The following KIAA1217 variants were observed in gnomAD, a reference collection of about 807,000 sequenced individuals.
KIAA1217 encodes KIAA1217.
In KIAA1217, 88 loss-of-function variants were observed where a neutral mutation model predicts 163.9. That is an observed-to-expected ratio of 0.54 (90% confidence interval 0.45 to 0.64). The LOEUF (loss-of-function observed/expected upper bound fraction) is 0.64, where lower values mean the gene tolerates loss of function less well. Among genes scored for constraint, KIAA1217 ranks in the 30% least tolerant of loss-of-function variants. The pLI, the probability that KIAA1217 is intolerant of heterozygous loss-of-function variation, is 0.00. For synonymous variants in KIAA1217, 903 were observed against 923.1 expected, an observed-to-expected ratio of 0.98 and a Z score of 0.39; for missense variants, 2,372 against 2,475.0, an observed-to-expected ratio of 0.96 and a Z score of 0.88.
At chr10:23,789,958 T>C in intron 1 of KIAA1217, among the ~76,000 whole-genome samples, 1 of 134,298 alleles carries the variant, frequency 7.4e-6, no homozygotes, top group South Asian at 2.2e-4. Context: ...CATGTATATA[T>C]ACACATATAC....
At chr10:23,701,346 C>A (rs573237952) in intron 1 of KIAA1217, among the ~76,000 whole-genome samples, 32 of 152,296 alleles carry the variant, frequency 2.1e-4, no homozygotes, top group Admixed American at 3.3e-4. Flanking sequence ...CCGTGAAATA[C>A]TTTCTGTCTT....
chr10:24,039,487 T>C (rs1342567564), intron 2 of KIAA1217, among the ~76,000 whole-genome samples: 1 of 152,070 alleles, frequency 6.6e-6, no homozygotes, highest in Non-Finnish European at 1.5e-5. Context: ...AGCCACACAA[T>C]TGAGAGGGTA....
At chr10:24,214,517 C>T (rs1308013114) in intron 1 of KIAA1217, among the ~76,000 whole-genome samples, 1 of 152,126 alleles carries the variant, frequency 6.6e-6, no homozygotes, top group East Asian at 1.9e-4. Context: ...CAAAAGGTGG[C>T]CCACATGGCT....
At chr10:24,476,696 A>G (rs2064079806) in intron 6 of KIAA1217, among the ~76,000 whole-genome samples, 1 of 152,184 alleles carries the variant, frequency 6.6e-6, no homozygotes, top group Admixed American at 6.5e-5. Flanking sequence ...TATCTCATAC[A>G]TCTTGCCAAG....
chr10:23,911,476 C>T (rs542889912), intron 1 of KIAA1217, among the ~76,000 whole-genome samples: 42 of 152,298 alleles, frequency 2.8e-4, no homozygotes, highest in African/African-American at 1.0e-3. Context: ...AGAATAGATG[C>T]TATACGAAGG....
At chr10:23,805,442 A>G (rs571650771) in intron 1 of KIAA1217, among the ~76,000 whole-genome samples, 7 of 152,266 alleles carry the variant, frequency 4.6e-5, no homozygotes, top group South Asian at 2.1e-4. Context: ...ACCAAATACT[A>G]TATGTTCTCA....
chr10:24,060,953 T>C (rs1358160769), intron 2 of KIAA1217, among the ~76,000 whole-genome samples: 2 of 152,256 alleles, frequency 1.3e-5, no homozygotes, highest in East Asian at 3.8e-4. Context: ...TTGGTTCATT[T>C]GTTGTAAAAG....
At chr10:24,440,168 C>T (rs1003797449) in intron 5 of KIAA1217, among the ~76,000 whole-genome samples, 4 of 152,148 alleles carry the variant, frequency 2.6e-5, no homozygotes, top group Non-Finnish European at 5.9e-5. Flanking sequence ...AAAGCTGTGT[C>T]GCTACTTCAG....
At chr10:23,856,110 T>G (rs1213051626) in intron 1 of KIAA1217, among the ~76,000 whole-genome samples, 1 of 152,234 alleles carries the variant, frequency 6.6e-6, no homozygotes, top group Non-Finnish European at 1.5e-5. Context: ...TTTCCAGTTT[T>G]TCTGCTCTGT....
intron 2 of KIAA1217, among the ~76,000 whole-genome samples, chr10:24,031,482 T>C (rs970031831): frequency 6.6e-6 from 1 of 152,128 alleles, no homozygotes; most frequent in Non-Finnish European, 1.5e-5. Flanking sequence ...ATATTTTTCA[T>C]AGAGACAGGG....
intron 1 of KIAA1217, among the ~76,000 whole-genome samples, chr10:23,969,163 T>A (rs1845195901): frequency 6.6e-6 from 1 of 152,100 alleles, no homozygotes; most frequent in African/African-American, 2.4e-5. Flanking sequence ...GCCTCCCAAG[T>A]AGCTGGGATT....
At chr10:24,339,414 A>C (rs73604469) in intron 2 of KIAA1217, among the ~76,000 whole-genome samples, 15,268 of 152,250 alleles carry the variant, frequency 0.1, 808 homozygotes, top group African/African-American at 0.14. Context: ...AGGAAATCCC[A>C]TGTCACCTCT....
chr10:24,460,327 G>A lies in KIAA1217; in HGVS notation c.847-12901G>A, dbSNP rs141878783. On this transcript the variant is annotated intron_variant, in intron 5 of 20. Coordinates refer to ENST00000376454, the MANE Select transcript of KIAA1217 (RefSeq NM_019590.5). ...AGAATTTCCCCAGCTCACACACTCC[G>A]TATACTTAGGATACCCATGGAACTT... 4.6e-5 allele frequency among the ~76,000 whole-genome samples: 7 copies of A among 152,168 alleles called. No homozygotes were observed. In the East Asian group the frequency reaches 5.8e-4, roughly 13 times the overall value.
At chr10:24,309,345 C>CGT (rs1564447016) in intron 2 of KIAA1217, among the ~76,000 whole-genome samples, 1 of 75,962 alleles carries the variant, frequency 1.3e-5, no homozygotes, top group Non-Finnish European at 2.8e-5. Context: ...CGCGCACGCG[C>CGT]GCGCGCACAC....
chr10:23,760,210 C>T (rs753493862), intron 1 of KIAA1217, among the ~76,000 whole-genome samples: 7 of 152,170 alleles, frequency 4.6e-5, no homozygotes, highest in Non-Finnish European at 5.9e-5. Context: ...TTGCTAAGAG[C>T]TCTGTTTGCT....
intron 5 of KIAA1217, among the ~76,000 whole-genome samples, chr10:24,463,090 A>G (rs886898885): frequency 2.0e-5 from 3 of 152,226 alleles, no homozygotes; most frequent in African/African-American, 7.2e-5. Flanking sequence ...TTTGGTACAA[A>G]AGGAGGTTGT....
upstream of KIAA1217, among the ~76,000 whole-genome samples, chr10:24,206,079 TG>T (rs1409070644): frequency 9.9e-5 from 15 of 152,200 alleles, no homozygotes; most frequent in Non-Finnish European, 1.0e-4. Context: ...AGTCATGAAT[TG>T]CAACATATGG....
intron 10 of KIAA1217, among the ~76,000 whole-genome samples, chr10:24,516,687 G>A (rs556214149): frequency 1.3e-5 from 2 of 152,318 alleles, no homozygotes; most frequent in Non-Finnish European, 2.9e-5. Flanking sequence ...GACTGATTAA[G>A]AGGAAAATAG....
chr10:24,144,882 A>C (rs2064238681), intron 2 of KIAA1217, among the ~76,000 whole-genome samples: 1 of 152,024 alleles, frequency 6.6e-6, no homozygotes, highest in Non-Finnish European at 1.5e-5. Context: ...CCCTCCCCTC[A>C]CATTCTTGAT....
Sources: allele counts gnomAD v4.1 joint callset (sites outside exome capture counted in the v4.1 genomes callset), GRCh38; gene constraint gnomAD v4.1.1; transcripts MANE v1.5; gene names NCBI Gene and HGNC (gene_info 2026-07-23, HGNC 2026-07-21).